The following GC variants were observed in gnomAD, a reference collection of about 807,000 sequenced individuals.
GC encodes the protein vitamin D-binding protein.
A neutral mutation model predicts 56.7 loss-of-function variants in GC; 43 were observed. That is an observed-to-expected ratio of 0.76 (90% CI 0.59 to 0.98). GC has a LOEUF of 0.98. Among genes scored for constraint, GC ranks in the 50% least tolerant of loss-of-function variants. GC has a pLI of 0.00. For synonymous variants in GC, 216 were observed against 202.7 expected (o/e 1.07, Z -0.56); for missense variants, 529 against 545.9 (o/e 0.97, Z 0.31).
chr4:71,800,935 A>G (rs1181091266), intron 1 of GC, among the ~76,000 whole-genome samples: 2 of 152,198 alleles, frequency 1.3e-5, no homozygotes, highest in African/African-American at 4.8e-5. Flanking sequence ...TTGGCAATGG[A>G]TTTTTAGATA....
intron 1 of GC, among the ~76,000 whole-genome samples, chr4:71,790,959 C>T (rs531316213): frequency 6.6e-6 from 1 of 151,880 alleles, no homozygotes; most frequent in Admixed American, 6.6e-5. Context: ...AAACAAACAA[C>T]CCCATTAAAA....
intron 6 of GC, among the ~76,000 whole-genome samples, chr4:71,758,771 A>C (rs1036104128): frequency 6.6e-6 from 1 of 152,320 alleles, no homozygotes; most frequent in African/African-American, 2.4e-5. Context: ...ATTTTAAAAA[A>C]TTGTGGTGAA....
intron 1 of GC, among the ~76,000 whole-genome samples, chr4:71,793,147 C>CT (rs1422448238): frequency 3.9e-5 from 6 of 152,098 alleles, no homozygotes; most frequent in African/African-American, 1.2e-4. Flanking sequence ...AAGTCAGGCT[C>CT]TTTTTTGGTT....
upstream of GC, among the ~76,000 whole-genome samples, chr4:71,784,562 G>A (rs1742786419): frequency 6.6e-6 from 1 of 151,842 alleles, no homozygotes; most frequent in East Asian, 1.9e-4. Flanking sequence ...AGAGTGAGAA[G>A]CCAATTCAAC....
intron 1 of GC, among the ~76,000 whole-genome samples, chr4:71,771,581 A>C (rs1030210807): frequency 1.3e-5 from 2 of 152,166 alleles, no homozygotes; most frequent in South Asian, 2.1e-4. Context: ...AATAACCCAC[A>C]TACCTGAATC....
At chr4:71,790,132 T>C (rs572449116) in intron 1 of GC, among the ~76,000 whole-genome samples, 1 of 152,172 alleles carries the variant, frequency 6.6e-6, no homozygotes, top group Non-Finnish European at 1.5e-5. Context: ...TCTTTATCTA[T>C]GATAATACTT....
chr4:71,799,094 A>G (rs1193111875), intron 1 of GC, among the ~76,000 whole-genome samples: 1 of 152,152 alleles, frequency 6.6e-6, no homozygotes, highest in Non-Finnish European at 1.5e-5. Context: ...GAGGAGCTTC[A>G]TGGACTTATT....
chr4:71,760,390 T>A (rs1482995526), intron 6 of GC, among the ~76,000 whole-genome samples: 1 of 152,038 alleles, frequency 6.6e-6, no homozygotes, highest in Non-Finnish European at 1.5e-5. Flanking sequence ...AAGCTTATTA[T>A]GCATTGCTGG....
chr4:71,755,288 G>A (rs1038240656), intron 8 of GC, among the ~76,000 whole-genome samples, 181 bp from the exon 9 acceptor site: 2 of 151,614 alleles, frequency 1.3e-5, no homozygotes, highest in African/African-American at 4.8e-5. Flanking sequence ...TCAGCCTCCC[G>A]AGTACCTGGG....
chr4:71,788,847 C>A (rs1742905966), upstream of GC, among the ~76,000 whole-genome samples: 1 of 151,782 alleles, frequency 6.6e-6, no homozygotes, highest in African/African-American at 2.4e-5. Context: ...TGCAGAATGC[C>A]ATAATAATCA....
At chr4:71,755,621 T>C (rs1017771708) in intron 8 of GC, among the ~76,000 whole-genome samples, 1 of 152,200 alleles carries the variant, frequency 6.6e-6, no homozygotes, top group African/African-American at 2.4e-5. Flanking sequence ...CTTGCTATTG[T>C]GACTAGTCAA....
intron 1 of GC, among the ~76,000 whole-genome samples, chr4:71,770,979 C>T (rs1401282134): frequency 6.6e-6 from 1 of 152,164 alleles, no homozygotes; most frequent in Non-Finnish European, 1.5e-5. Flanking sequence ...GCGGACACAT[C>T]AAAGTCAGTC....
intron 12 of GC, among the ~76,000 whole-genome samples, chr4:71,743,506 ACT>A (rs1741254799): frequency 6.6e-6 from 1 of 152,190 alleles, no homozygotes; most frequent in South Asian, 2.1e-4. Context: ...ATTTAGAGCA[ACT>A]CATGACTAGG....
chr4:71,772,283 T>C (rs1313228304), intron 1 of GC, among the ~76,000 whole-genome samples: 1 of 152,152 alleles, frequency 6.6e-6, no homozygotes, highest in Non-Finnish European at 1.5e-5. Context: ...AAATAGGAGC[T>C]AAGTTTGTTT....
At chr4:71,763,599 A>T in intron 5 of GC, 97 bp from the exon 6 acceptor site, 2 of 786,456 alleles carry the variant, frequency 2.5e-6, no homozygotes, top group Non-Finnish European at 2.1e-6. Context: ...TGATTTTTTA[A>T]TGAATAGGAA....
At chr4:71,786,924 C>A (rs181955775), upstream of GC, among the ~76,000 whole-genome samples, 2 of 151,832 alleles carry the variant, frequency 1.3e-5, no homozygotes, top group Non-Finnish European at 2.9e-5. Flanking sequence ...TGATAAATGA[C>A]CTGACAAAAT....
At chr4:71,747,021 T>C (rs902702387) in intron 11 of GC, among the ~76,000 whole-genome samples, 1 of 151,982 alleles carries the variant, frequency 6.6e-6, no homozygotes, top group Non-Finnish European at 1.5e-5. Context: ...GATTGAGAGA[T>C]GTTGCAGAAT....
At chr4:71,799,454 C>T (rs976323419) in intron 1 of GC, among the ~76,000 whole-genome samples, 1 of 152,098 alleles carries the variant, frequency 6.6e-6, no homozygotes, top group Non-Finnish European at 1.5e-5. Flanking sequence ...TTCTGTCTAA[C>T]CCTAGCTCAT....
chr4:71,774,244 A>C (rs1020753400), intron 1 of GC, among the ~76,000 whole-genome samples: 5 of 152,156 alleles, frequency 3.3e-5, no homozygotes, highest in Non-Finnish European at 7.4e-5. Context: ...AGACTTTGAA[A>C]ATTCAAACAC....
Sources: gnomAD v4.1 joint callset for allele counts (sites outside exome capture counted in the v4.1 genomes callset) on GRCh38, gnomAD v4.1.1 for gene constraint, MANE v1.5 for transcripts, NCBI Gene and HGNC (gene_info 2026-07-23, HGNC 2026-07-21) for gene names.